Variants in ZNF653 observed in about 807,000 individuals in gnomAD.
The protein encoded by ZNF653 is 67 kDa zinc finger protein.
Under a neutral mutation model 59.9 loss-of-function variants are expected in ZNF653, and 37 were observed. That is an observed-to-expected ratio of 0.62 (90% CI 0.48 to 0.81). The LOEUF is 0.81. Among genes scored for constraint, ZNF653 ranks in the 40% least tolerant of loss-of-function variants. The probability of loss-of-function intolerance (pLI) is 0.00; values close to 1 mark genes in which losing one functional copy is unlikely to be tolerated. For missense variants in ZNF653, 808 were observed against 881.1 expected (o/e 0.92, Z 1.05); for synonymous variants, 435 against 371.8 (o/e 1.17, Z -1.96).
rs184164273 is a variant in ZNF653 at position 11,496,550 on chromosome 19, G to A, written c.344-385C>T. ...CAAGGGGGCGCCTGTGAATGCCCGA[G>A]TCAAGTCTGTTCCCTCCTCTGCTCA... On this transcript the variant is annotated intron_variant, in intron 2 of 8. Transcript: ENST00000293771. 1.6e-4 allele frequency among the ~76,000 whole-genome samples: 25 copies of A among 152,226 alleles called. No individual in the cohort carries two copies. The East Asian group carries it at 4.8e-3, about 29-fold the overall frequency.
At chr19:11,498,806 G>T (rs1426819367) in intron 1 of ZNF653, among the ~76,000 whole-genome samples, 1 of 151,552 alleles carries the variant, frequency 6.6e-6, no homozygotes, top group African/African-American at 2.4e-5. Context: ...GTGCAGTGGT[G>T]CGATCTCGGT....
At position 11,505,494 on chromosome 19, in the gene ZNF653, C is replaced by A. The variant is rs2144958127; in HGVS notation, c.293G>T (p.Arg98Leu). ...ISLERGQRSGRHGKPWEQVPK... is the reference protein window; with the variant it reads ...ISLERGQRSGLHGKPWEQVPK... ...CGGGGCCAGGCCCCCTCACCCGTGG[C>A]GGCCGCTCCGCTGGCCGCGCTCCAG... is the stretch of plus-strand genomic sequence containing the variant. Residue 98 changes from arginine (R) to leucine (L), a missense_variant, in exon 1 of 9, where the codon CGC becomes CTC. Arg to Leu is a moderately radical substitution (Grantham distance 102, BLOSUM62 -2). Coordinates refer to ENST00000293771, the MANE Select transcript of ZNF653 (RefSeq NM_138783.4). 4 of 1,482,456 alleles carry A rather than the reference C, an allele frequency of 2.7e-6. No individual in the cohort carries two copies. The highest frequency in any genetic ancestry group is 1.5e-5 in the African/African-American group (1 of 68,234). The allele number at this position is 1,482,456 out of a possible 1,614,324, so 91.8% of individuals were successfully genotyped here.
intron 2 of ZNF653, among the ~76,000 whole-genome samples, chr19:11,496,725 G>A (rs1211570602): frequency 6.6e-6 from 1 of 152,150 alleles, no homozygotes; most frequent in Non-Finnish European, 1.5e-5. Flanking sequence ...AAAATTGGCC[G>A]GCATGGTGGT....
At chr19:11,496,285 T>A in intron 2 of ZNF653, 120 bp from the exon 3 acceptor site, 1 of 934,814 alleles carries the variant, frequency 1.1e-6, no homozygotes, top group Non-Finnish European at 1.6e-6. Flanking sequence ...CTGAGTACCA[T>A]CCAGGCCTGT....
In ZNF653 at chr19:11,487,339, G is replaced by A. The variant is rs1971478796; in HGVS notation, c.1124C>T (p.Pro375Leu). The change falls in exon 4 of 9, where the codon CCT (proline) becomes CTT (leucine). Residue 375 changes from proline (P) to leucine (L), a missense_variant. By Grantham distance (98) the Pro-to-Leu change is moderately conservative (BLOSUM62 -3). Coordinates refer to ENST00000293771, the MANE Select transcript of ZNF653 (RefSeq NM_138783.4). This position sits in a 1 kb window ranked among gnomAD's most constrained non-coding sequence, Gnocchi z 5.1. ...YTQTEPEGSQPSTMDATAVAG... is the reference protein window; with the variant it reads ...YTQTEPEGSQLSTMDATAVAG... ...TACTGCGGTGGCGTCCATGGTGCTA[G>A]GCTGGCTACCCTCGGGCTCTGTCTG... The A allele has an allele frequency of 6.2e-7, 1 of 1,613,604 alleles. No individual in the cohort carries two copies. Among genetic ancestry groups the A allele is most frequent in the Non-Finnish European group, 8.5e-7 (1 of 1,179,950 alleles).
chr19:11,496,633 A>C (rs112218046), intron 2 of ZNF653, among the ~76,000 whole-genome samples: 3 of 152,194 alleles, frequency 2.0e-5, no homozygotes, highest in Non-Finnish European at 4.4e-5. Context: ...TTTGGGAGGC[A>C]GAGGCAGGCG....
At chr19:11,496,291 C>T in intron 2 of ZNF653, 126 bp from the exon 3 acceptor site, 1 of 884,428 alleles carries the variant, frequency 1.1e-6, no homozygotes, top group South Asian at 1.7e-5. Flanking sequence ...ACCATCCAGG[C>T]CTGTACCCAG....
intron 7 of ZNF653, among the ~76,000 whole-genome samples, chr19:11,485,383 T>A (rs1344715464): frequency 6.6e-6 from 1 of 152,136 alleles, no homozygotes; most frequent in Non-Finnish European, 1.5e-5. Context: ...AAGTCTCGCA[T>A]GAGACCTGCT....
chr19:11,505,757 CGCCTCG>C lies in ZNF653; in HGVS notation c.24_29del (p.Glu15_Ala16del). The C allele has an allele frequency of 7.0e-7, 1 of 1,433,284 alleles. No homozygotes were observed. The highest frequency in any genetic ancestry group is 9.1e-7 in the Non-Finnish European group (1 of 1,104,040). 88.8% of individuals were successfully genotyped at this position (1,433,284 alleles called of 1,614,324 possible). A position where few individuals can be genotyped will look rare whatever the true frequency, so the allele number is the denominator to read the frequency against. On this transcript the variant is annotated inframe_deletion, in exon 1 of 9. Transcript: ENST00000293771. ...CCGCGCCCGCCTCAGCCTCCGCCTC[CGCCTCG>C]GGCTCTAGCGCCCGCTCCGCCATCC...
In ZNF653 at chr19:11,495,921, C is replaced by G; in HGVS notation, c.559+29G>C. 6.9e-6 allele frequency: 11 copies of G among 1,602,042 alleles called. No individual in the cohort carries two copies. The highest frequency in any genetic ancestry group is 9.4e-6 in the Non-Finnish European group (11 of 1,173,534). On this transcript the variant is annotated intron_variant, in intron 3 of 8. Transcript: ENST00000293771. The surrounding 1 kb of genome is among the most constrained non-coding windows in gnomAD (Gnocchi z 4.9). ...AAGAAGCCCCCAGAAATGGGCGGCC[C>G]CCTATGTGCCCTCGCCCTGCAGACC...
intron 8 of ZNF653, 58 bp from the exon 9 acceptor site, chr19:11,483,917 C>A (rs1315895006): frequency 6.6e-7 from 1 of 1,510,946 alleles, no homozygotes; most frequent in Non-Finnish European, 8.9e-7. Flanking sequence ...CGGGGCGGGG[C>A]CCTACAAGGC....
In ZNF653 at chr19:11,488,343, G is replaced by C. The variant is rs1035119609; in HGVS notation, c.560-440C>G. Among the ~76,000 whole-genome samples the C allele has an allele frequency of 5.3e-5, 8 of 151,882 alleles. No homozygotes were observed. In the East Asian group the frequency reaches 1.6e-3, roughly 30 times the overall value. ...GTTTTGTATTTTTAATAGAGATAGG[G>C]GTTCACCAGGATGGTCTCGATCTCC... is the stretch of plus-strand genomic sequence containing the variant. On this transcript the variant is annotated intron_variant, in intron 3 of 8. Coordinates refer to ENST00000293771, the MANE Select transcript of ZNF653 (RefSeq NM_138783.4).
At chr19:11,504,251 A>C (rs1971680280) in intron 1 of ZNF653, among the ~76,000 whole-genome samples, 1 of 151,912 alleles carries the variant, frequency 6.6e-6, no homozygotes, top group Non-Finnish European at 1.5e-5. Context: ...AATACAAAAA[A>C]TTAGCCGGGC....
rs369945651 is a variant in ZNF653 at position 11,495,102 on chromosome 19, G to A, written c.559+848C>T. ...CACCTGCTCCGAGATGCCAGCCAGCGCAGGCTCAGCCCTGGTGACCGCCCC... is the reference window on the plus strand; with the variant it reads ...CACCTGCTCCGAGATGCCAGCCAGCACAGGCTCAGCCCTGGTGACCGCCCC... On this transcript the variant is annotated intron_variant, in intron 3 of 8. Transcript: ENST00000293771. This position sits in a 1 kb window ranked among gnomAD's most constrained non-coding sequence, Gnocchi z 4.9. Among the ~76,000 whole-genome samples, 12 of 152,270 alleles carry A rather than the reference G, an allele frequency of 7.9e-5. 1 individual carries two copies. In the South Asian group the frequency reaches 1.0e-3, roughly 13 times the overall value.
At chr19:11,488,639 A>G (rs537428943) in intron 3 of ZNF653, among the ~76,000 whole-genome samples, 3 of 144,476 alleles carry the variant, frequency 2.1e-5, no homozygotes, top group Middle Eastern at 3.7e-3. Flanking sequence ...GCTCTGTCAC[A>G]CAGGCTGGAG....
At chr19:11,493,647 G>A (rs1174642841) in intron 3 of ZNF653, among the ~76,000 whole-genome samples, 1 of 152,306 alleles carries the variant, frequency 6.6e-6, no homozygotes, top group East Asian at 1.9e-4. Context: ...CAGAGCACGC[G>A]TCTGGGTCCA....
At position 11,483,847 on chromosome 19, in the gene ZNF653, A is replaced by G. The variant is rs1329485514; in HGVS notation, c.1683T>C (p.Cys561=). The change falls in exon 9 of 9, where the codon TGT becomes TGC. Residue 561 remains cysteine (C), a synonymous_variant. Transcript: ENST00000293771. The stretch of plus-strand genomic sequence containing the variant: ...ACGCGCGCTGCCGGCACTGGTAGCC[A>G]CAGATCTCGCACCTGCCGGGAGCCC... ...TGETPLQCEI[C]GYQCRQRASL... is the part of the protein sequence containing the mutation. The G allele has an allele frequency of 6.3e-7, 1 of 1,595,214 alleles. No individual in the cohort carries two copies. The highest frequency in any genetic ancestry group is 2.3e-5 in the East Asian group (1 of 44,108).
Position 11,505,795 on chromosome 19 carries a change from C to G in ZNF653, c.-9G>C. 7.2e-7 allele frequency: 1 copy of G among 1,392,686 alleles called. No homozygotes were observed. The allele number at this position is 1,392,686 out of a possible 1,614,324, so 86.3% of individuals were successfully genotyped here. A position where few individuals can be genotyped will look rare whatever the true frequency, so the allele number is the denominator to read the frequency against. ...AGCGCCCGCTCCGCCATCCCCCCCA[C>G]CCTGGTTACCAGCCTCCCCCGTTGT... On this transcript the variant is annotated 5_prime_UTR_variant, in exon 1 of 9. Transcript: ENST00000293771.
chr19:11,503,815 C>G (rs898634534), intron 1 of ZNF653, among the ~76,000 whole-genome samples: 15 of 150,120 alleles, frequency 1.0e-4, no homozygotes, highest in African/African-American at 3.7e-4. Context: ...CAAGAACAAA[C>G]AAACAGGGCT....
Sources: gnomAD v4.1 joint callset for allele counts (sites outside exome capture counted in the v4.1 genomes callset) on GRCh38, gnomAD v4.1.1 for gene constraint, Gnocchi (gnomAD v3.1) non-coding constraint, MANE v1.5 for transcripts, NCBI Gene and HGNC (gene_info 2026-07-23, HGNC 2026-07-21) for gene names.